Variants in RELN observed in about 807,000 individuals in gnomAD.
RELN encodes reelin.
In RELN, 108 loss-of-function variants were observed where a neutral mutation model predicts 427.6. That is an observed-to-expected ratio of 0.25 (90% CI 0.22 to 0.30). The LOEUF is 0.30. RELN is among the 10% of genes least tolerant of loss of function. The pLI is 1.00. For synonymous variants in RELN, 1,524 were observed against 1,513.4 expected, an observed-to-expected ratio of 1.01 and a Z score of -0.16; for missense variants, 3,715 against 4,302.8, an observed-to-expected ratio of 0.86 and a Z score of 3.82.
At chr7:103,767,069 G>T (rs895870420) in intron 4 of RELN, among the ~76,000 whole-genome samples, 1 of 152,176 alleles carries the variant, frequency 6.6e-6, no homozygotes, top group African/African-American at 2.4e-5. Flanking sequence ...ATGCCAAGAA[G>T]CCCACAGGCC....
At chr7:103,623,473 T>C (rs1832263361) in intron 20 of RELN, among the ~76,000 whole-genome samples, 1 of 152,194 alleles carries the variant, frequency 6.6e-6, no homozygotes, top group South Asian at 2.1e-4. Flanking sequence ...TTATAAAAGA[T>C]TGTCAGTAAT....
At chr7:103,878,917 G>C (rs973433339) in intron 2 of RELN, among the ~76,000 whole-genome samples, 1 of 152,062 alleles carries the variant, frequency 6.6e-6, no homozygotes, top group Non-Finnish European at 1.5e-5. Flanking sequence ...TTCTACTCTT[G>C]GTCAATCTTC....
intron 1 of RELN, among the ~76,000 whole-genome samples, chr7:103,957,093 G>A (rs1796448315): frequency 6.6e-6 from 1 of 152,082 alleles, no homozygotes; most frequent in Non-Finnish European, 1.5e-5. Flanking sequence ...GAAATTGGAG[G>A]GACACCGGGG....
chr7:103,898,174 A>C (rs947675157), intron 2 of RELN, among the ~76,000 whole-genome samples: 2 of 151,892 alleles, frequency 1.3e-5, no homozygotes, highest in Non-Finnish European at 1.5e-5. Context: ...ACAGTTTCTT[A>C]AGCAGGTGAG....
intron 6 of RELN, among the ~76,000 whole-genome samples, chr7:103,743,917 T>C (rs1171987579): frequency 1.3e-5 from 2 of 152,166 alleles, no homozygotes; most frequent in African/African-American, 4.8e-5. Context: ...GCAGACCTAA[T>C]AGACATCTAC....
chr7:103,588,722 G>C (rs144587811), intron 28 of RELN, among the ~76,000 whole-genome samples: 147 of 152,246 alleles, frequency 9.7e-4, no homozygotes, highest in Middle Eastern at 3.4e-3. Flanking sequence ...AAACATTGTA[G>C]ACCACAACCA....
intron 1 of RELN, among the ~76,000 whole-genome samples, chr7:103,979,533 T>C (rs1796947865): frequency 6.6e-6 from 1 of 152,230 alleles, no homozygotes; most frequent in Non-Finnish European, 1.5e-5. Context: ...CTGATCCATG[T>C]ATGAAAAATA....
intron 2 of RELN, among the ~76,000 whole-genome samples, chr7:103,838,941 G>A (rs1793481645): frequency 1.3e-5 from 2 of 152,208 alleles, no homozygotes; most frequent in African/African-American, 4.8e-5. Context: ...TGGCTGCCCA[G>A]TGGCACCAGG....
At chr7:103,590,899 C>T (rs1006794789) in intron 27 of RELN, among the ~76,000 whole-genome samples, 6 of 152,178 alleles carry the variant, frequency 3.9e-5, no homozygotes, top group Admixed American at 3.9e-4. Flanking sequence ...TTATACATAG[C>T]GTTGCAGAGA....
intron 1 of RELN, among the ~76,000 whole-genome samples, chr7:103,949,854 A>G (rs967671301): frequency 6.6e-6 from 1 of 152,186 alleles, no homozygotes; most frequent in Non-Finnish European, 1.5e-5. Flanking sequence ...TACAAGATCC[A>G]TAGTTAGTGC....
intron 63 of RELN, among the ~76,000 whole-genome samples, chr7:103,479,489 C>T (rs1020896265): frequency 2.6e-5 from 4 of 152,180 alleles, no homozygotes; most frequent in South Asian, 2.1e-4. Context: ...ATCTGTTATA[C>T]GGCAGATTAG....
At chr7:103,650,438 T>G (rs1832891352) in intron 15 of RELN, 55 bp from the exon 16 acceptor site, 1 of 1,090,668 alleles carries the variant, frequency 9.2e-7, no homozygotes, top group Non-Finnish European at 1.4e-6. Flanking sequence ...ATCTTTAGAA[T>G]CTATTTTACA....
chr7:103,649,285 A>G (rs1411213890), intron 16 of RELN, among the ~76,000 whole-genome samples: 1 of 152,046 alleles, frequency 6.6e-6, no homozygotes, highest in Non-Finnish European at 1.5e-5. Context: ...GTCTTTTGCT[A>G]CAACATAGCT....
chr7:103,882,626 A>G (rs1287418768), intron 2 of RELN, among the ~76,000 whole-genome samples: 1 of 152,192 alleles, frequency 6.6e-6, no homozygotes, highest in Non-Finnish European at 1.5e-5. Context: ...CTGATCCCAC[A>G]GAAATATAAA....
intron 2 of RELN, among the ~76,000 whole-genome samples, chr7:103,865,889 TA>T (rs1794186665): frequency 6.6e-6 from 1 of 152,148 alleles, no homozygotes; most frequent in South Asian, 2.1e-4. Context: ...GTACAGAAAG[TA>T]TTTATTGTGA....
chr7:103,788,302 C>T (rs1792071093), intron 3 of RELN, among the ~76,000 whole-genome samples: 1 of 152,160 alleles, frequency 6.6e-6, no homozygotes, highest in South Asian at 2.1e-4. Context: ...CCTCTCTCAC[C>T]ACTCCTCTTC....
chr7:103,562,263 A>G (rs997925385), intron 34 of RELN, among the ~76,000 whole-genome samples: 2 of 152,226 alleles, frequency 1.3e-5, no homozygotes, highest in African/African-American at 4.8e-5. Context: ...TTTGAAATAC[A>G]TGCAGAATTT....
At chr7:103,578,704 A>G (rs1831059022) in intron 28 of RELN, among the ~76,000 whole-genome samples, 1 of 152,208 alleles carries the variant, frequency 6.6e-6, no homozygotes, top group East Asian at 1.9e-4. Context: ...AATTCATTAT[A>G]AAAACTAGTC....
intron 22 of RELN, among the ~76,000 whole-genome samples, chr7:103,604,925 G>A (rs1248465943): frequency 1.3e-5 from 2 of 151,588 alleles, no homozygotes; most frequent in Non-Finnish European, 2.9e-5. Context: ...CGCCTCCTGG[G>A]TTCAAGCCAT....
Sources: allele counts gnomAD v4.1 joint callset (sites outside exome capture counted in the v4.1 genomes callset), GRCh38; gene constraint gnomAD v4.1.1; transcripts MANE v1.5; gene names NCBI Gene and HGNC (gene_info 2026-07-23, HGNC 2026-07-21).